Variants in CACNA2D3 observed in about 807,000 individuals in gnomAD.
CACNA2D3 encodes the protein voltage-dependent calcium channel subunit alpha-2/delta-3.
In CACNA2D3, 60 loss-of-function variants were observed where a neutral mutation model predicts 160.6. The observed-to-expected ratio is 0.37, with a 90% CI of 0.30 to 0.46. CACNA2D3 has a LOEUF of 0.46. CACNA2D3 is among the 20% of genes least tolerant of loss of function. The probability of loss-of-function intolerance (pLI) is 1.00; values close to 1 mark genes in which losing one functional copy is unlikely to be tolerated. For missense variants in CACNA2D3, 1,205 were observed against 1,365.0 expected (o/e 0.88, Z 1.85); for synonymous variants, 558 against 492.9 (o/e 1.13, Z -1.75).
At chr3:54,863,947 C>T (rs1699347624) in intron 17 of CACNA2D3, among the ~76,000 whole-genome samples, 1 of 152,104 alleles carries the variant, frequency 6.6e-6, no homozygotes, top group Non-Finnish European at 1.5e-5. Context: ...GACCCTTTTT[C>T]TCTGCAGTAT....
rs117119671 is a variant in CACNA2D3 at position 55,016,592 on chromosome 3, C to T, written c.2876-1614C>T. ...GCATGCATGTAGGTGGGCAAAAGTG[C>T]GTGCAGGCTTCACTCTGCTAAGAGC... On this transcript the variant is annotated intron_variant, in intron 34 of 37. Transcript: ENST00000474759. 1.4e-4 allele frequency among the ~76,000 whole-genome samples: 22 copies of T among 152,310 alleles called. No individual in the cohort carries two copies. In the East Asian group the frequency reaches 3.9e-3, roughly 27 times the overall value.
chr3:55,033,123 G>A (rs1360774167), intron 35 of CACNA2D3, among the ~76,000 whole-genome samples: 4 of 152,100 alleles, frequency 2.6e-5, no homozygotes, highest in Middle Eastern at 3.2e-3. Context: ...AGAGAAGGGA[G>A]GGGGCTTGCC....
chr3:54,287,023 A>C (rs9880865), intron 2 of CACNA2D3, among the ~76,000 whole-genome samples: 86,691 of 151,746 alleles, frequency 0.57, 25,364 homozygotes, highest in East Asian at 0.72. Flanking sequence ...CATCAACTAA[A>C]GAGCAAAATC....
At chr3:54,291,066 A>G (rs1703189725) in intron 2 of CACNA2D3, among the ~76,000 whole-genome samples, 2 of 152,208 alleles carry the variant, frequency 1.3e-5, no homozygotes, top group Non-Finnish European at 2.9e-5. Flanking sequence ...ATAAAATAAA[A>G]TAAAAATATG....
chr3:54,337,591 C>G lies in CACNA2D3; in HGVS notation c.321+17033C>G, dbSNP rs182625327. The stretch of plus-strand genomic sequence containing the variant: ...GCCCTATTGAGAAGACTAGACTGGT[C>G]CTTTTCCAGTGGAGGGGGATTTATT... On this transcript the variant is annotated intron_variant, in intron 3 of 37. Coordinates refer to ENST00000474759, the MANE Select transcript of CACNA2D3 (RefSeq NM_018398.3). 1.5e-3 allele frequency among the ~76,000 whole-genome samples: 226 copies of G among 152,322 alleles called. 1 individual carries two copies. Among genetic ancestry groups the G allele is most frequent in the African/African-American group, 5.2e-3 (218 of 41,586 alleles).
Position 54,816,844 on chromosome 3 carries a change from C to T in CACNA2D3, c.1381-9C>T. On this transcript the variant is annotated splice_polypyrimidine_tract_variant and intron_variant, in intron 13 of 37. Coordinates refer to ENST00000474759, the MANE Select transcript of CACNA2D3 (RefSeq NM_018398.3). Reference sequence around the variant, plus strand: ...TTCTTTTTTGTTTTGTTTTGTTTTCCCCCTTCAGCTCCCTCAGGCACAAAA... The same window carrying T: ...TTCTTTTTTGTTTTGTTTTGTTTTCTCCCTTCAGCTCCCTCAGGCACAAAA... The T allele has an allele frequency of 6.2e-7, 1 of 1,613,044 alleles. No individual in the cohort carries two copies. The highest frequency in any genetic ancestry group is 2.2e-5 in the East Asian group (1 of 44,866).
intron 4 of CACNA2D3, among the ~76,000 whole-genome samples, chr3:54,388,468 G>A (rs35743041): frequency 0.11 from 16,724 of 152,086 alleles, 1,093 homozygotes; most frequent in African/African-American, 0.17. Flanking sequence ...GTCTTTTTAG[G>A]CATAATACTC....
intron 3 of CACNA2D3, among the ~76,000 whole-genome samples, chr3:54,383,444 G>A (rs369972792): frequency 6.6e-6 from 1 of 152,064 alleles, no homozygotes; most frequent in South Asian, 2.1e-4. Context: ...CTCCCTTCTG[G>A]GATACCTATT....
At chr3:54,913,376 C>G (rs545214736) in intron 27 of CACNA2D3, among the ~76,000 whole-genome samples, 6 of 152,134 alleles carry the variant, frequency 3.9e-5, no homozygotes, top group African/African-American at 9.7e-5. Flanking sequence ...CCGTGGCCCT[C>G]GTAACTTTCT....
At chr3:54,602,497 CAAAAAAAAAA>C (rs1156290031) in intron 9 of CACNA2D3, among the ~76,000 whole-genome samples, 1 of 71,212 alleles carries the variant, frequency 1.4e-5, no homozygotes, top group African/African-American at 5.5e-5. Context: ...GATTCCATCT[CAAAAAAAAAA>C]AAAAAAAAAA....
At chr3:55,067,361 C>G (rs1704682381) in intron 35 of CACNA2D3, among the ~76,000 whole-genome samples, 2 of 152,202 alleles carry the variant, frequency 1.3e-5, no homozygotes, top group Admixed American at 1.3e-4. Context: ...AGGGCTGCAA[C>G]TTTGGGTTTG....
intron 2 of CACNA2D3, among the ~76,000 whole-genome samples, chr3:54,159,891 A>G (rs1318790667): frequency 6.6e-6 from 1 of 152,250 alleles, no homozygotes; most frequent in East Asian, 1.9e-4. Flanking sequence ...AATCTGAAAG[A>G]TAAAAGTATC....
At chr3:54,400,587 C>G (rs574054456) in intron 4 of CACNA2D3, among the ~76,000 whole-genome samples, 199 of 152,280 alleles carry the variant, frequency 1.3e-3, no homozygotes, top group Non-Finnish European at 2.6e-3. Flanking sequence ...CACCACTGCC[C>G]CAAACTCCTA....
At chr3:54,833,415 T>C (rs1401029433) in intron 14 of CACNA2D3, among the ~76,000 whole-genome samples, 1 of 152,142 alleles carries the variant, frequency 6.6e-6, no homozygotes, top group African/African-American at 2.4e-5. Context: ...GAATGTTGAC[T>C]CTACGTCTGC....
intron 2 of CACNA2D3, among the ~76,000 whole-genome samples, chr3:54,178,732 G>C (rs1391284588): frequency 6.6e-6 from 1 of 152,214 alleles, no homozygotes; most frequent in Non-Finnish European, 1.5e-5. Flanking sequence ...AATAAAAACT[G>C]ATGTCCTTTG....
At chr3:54,272,093 T>A (rs2107452150) in intron 2 of CACNA2D3, among the ~76,000 whole-genome samples, 1 of 152,232 alleles carries the variant, frequency 6.6e-6, no homozygotes, top group South Asian at 2.1e-4. Context: ...TGGGTCTGGA[T>A]GGGACACATA....
intron 23 of CACNA2D3, 104 bp from the exon 24 acceptor site, chr3:54,887,855 C>G (rs982884948): frequency 1.2e-6 from 1 of 826,552 alleles, no homozygotes; most frequent in African/African-American, 1.7e-5. Flanking sequence ...CAACATGCCG[C>G]ATGAGAAAGT....
chr3:54,381,406 A>G (rs1439271237), intron 3 of CACNA2D3, among the ~76,000 whole-genome samples: 3 of 152,156 alleles, frequency 2.0e-5, no homozygotes, highest in Non-Finnish European at 2.9e-5. Context: ...AACATTTTCC[A>G]TTACCTTCCC....
intron 27 of CACNA2D3, among the ~76,000 whole-genome samples, chr3:54,910,299 C>G (rs1200635048): frequency 2.0e-5 from 3 of 152,140 alleles, no homozygotes; most frequent in Non-Finnish European, 4.4e-5. Flanking sequence ...GTTTTTAAGT[C>G]AAAAGTATTC....
Sources: allele counts gnomAD v4.1 joint callset (sites outside exome capture counted in the v4.1 genomes callset), GRCh38; gene constraint gnomAD v4.1.1; transcripts MANE v1.5; gene names NCBI Gene and HGNC (gene_info 2026-07-23, HGNC 2026-07-21).